SEC24B: variants seen among roughly 807,000 people sequenced by gnomAD.
SEC24B encodes protein transport protein Sec24B.
A neutral mutation model predicts 142.8 loss-of-function variants in SEC24B; 45 were observed. The ratio of observed to expected loss-of-function variants is 0.32; its 90% confidence interval spans 0.25 to 0.40. SEC24B has a LOEUF of 0.40. SEC24B is among the 10% of genes least tolerant of loss of function. SEC24B has a pLI of 1.00. For synonymous variants in SEC24B, 574 were observed against 568.2 expected, an observed-to-expected ratio of 1.01 and a Z score of -0.15; for missense variants, 1,409 against 1,526.8, an observed-to-expected ratio of 0.92 and a Z score of 1.29.
chr4:109,438,253 C>T (rs1018749871), intron 1 of SEC24B, among the ~76,000 whole-genome samples: 13 of 152,102 alleles, frequency 8.5e-5, no homozygotes, highest in Admixed American at 7.9e-4. Flanking sequence ...AAATGAAGTC[C>T]ATTTTATTTT....
rs377270592 is a variant in SEC24B, at chr4:109,516,638, C to T, written c.2124C>T (p.Asp708=). 1.1e-5 allele frequency: 17 copies of T among 1,537,964 alleles called. No individual in the cohort carries two copies. Among genetic ancestry groups the T allele is most frequent in the Non-Finnish European group, 1.5e-5 (17 of 1,113,490 alleles). ...GCCAGTCACTCCTAGAAAATCTAGA[C>T]AAGTAAGAATATTTTTAATTCATAC... is the stretch of plus-strand genomic sequence containing the variant. ...ILCQSLLENL[D]KLPGDSRTRI... is the part of the protein sequence containing the mutation. The change falls in exon 11 of 24, where the codon GAC becomes GAT. Residue 708 remains aspartate (D), a splice_region_variant and synonymous_variant. Transcript: ENST00000265175.
intron 12 of SEC24B, 42 bp downstream of exon 12, chr4:109,520,526 T>G (rs1465724220): frequency 8.8e-7 from 1 of 1,141,208 alleles, no homozygotes; most frequent in African/African-American, 1.5e-5. Flanking sequence ...ACTACGGACT[T>G]TGAAATGGGG....
chr4:109,526,550 C>T, intron 17 of SEC24B, 151 bp downstream of exon 17: 1 of 522,204 alleles, frequency 1.9e-6, no homozygotes. Flanking sequence ...TATTTTCTTT[C>T]TTTTTTTAAC....
intron 4 of SEC24B, among the ~76,000 whole-genome samples, chr4:109,485,898 T>G (rs544423666): frequency 6.6e-6 from 1 of 152,308 alleles, no homozygotes; most frequent in South Asian, 2.1e-4. Context: ...TGAAAAAAAT[T>G]TACTGAACAG....
At chr4:109,441,915 T>C (rs1482139538) in intron 1 of SEC24B, among the ~76,000 whole-genome samples, 2 of 152,176 alleles carry the variant, frequency 1.3e-5, no homozygotes, top group Non-Finnish European at 2.9e-5. Context: ...GTTTATGGAA[T>C]GTAGGAGAGA....
intron 6 of SEC24B, among the ~76,000 whole-genome samples, chr4:109,496,486 A>G (rs546094664): frequency 1.2e-4 from 18 of 152,216 alleles, no homozygotes; most frequent in African/African-American, 4.1e-4. Flanking sequence ...CCTTATAGAA[A>G]TTTTATGGTG....
At chr4:109,501,357 C>T (rs954824757) in intron 6 of SEC24B, among the ~76,000 whole-genome samples, 3 of 152,196 alleles carry the variant, frequency 2.0e-5, no homozygotes, top group Admixed American at 6.5e-5. Flanking sequence ...AATCACCTAA[C>T]GACACATTTC....
chr4:109,539,868 G>T lies in SEC24B; in HGVS notation c.*193G>T. The T allele has an allele frequency of 1.8e-6, 1 of 561,226 alleles. No individual in the cohort carries two copies. The highest frequency in any genetic ancestry group is 3.4e-5 in the Admixed American group (1 of 29,696). The allele number at this position is 561,226 out of a possible 1,614,324, so 34.8% of individuals were successfully genotyped here. ...AGATCTTTTTCAACTCAAATTAATGGTAACGATGATGCTGTTTCACCAAGT... is the reference window on the plus strand; with the variant it reads ...AGATCTTTTTCAACTCAAATTAATGTTAACGATGATGCTGTTTCACCAAGT... On this transcript the variant is annotated 3_prime_UTR_variant, in exon 24 of 24. Coordinates refer to ENST00000265175, the MANE Select transcript of SEC24B (RefSeq NM_006323.5).
intron 20 of SEC24B, 129 bp from the exon 21 acceptor site, chr4:109,532,510 T>A: frequency 1.5e-6 from 1 of 668,706 alleles, no homozygotes; most frequent in Non-Finnish European, 2.7e-6. Context: ...ATATAATCAG[T>A]ATTTTTTATA....
chr4:109,497,625 A>G (rs930626653), intron 6 of SEC24B, among the ~76,000 whole-genome samples: 6 of 150,836 alleles, frequency 4.0e-5, no homozygotes, highest in African/African-American at 1.2e-4. Context: ...GCTCAACATT[A>G]TGCTTATTGT....
chr4:109,438,153 G>A (rs1156583359), intron 1 of SEC24B, among the ~76,000 whole-genome samples: 1 of 152,096 alleles, frequency 6.6e-6, no homozygotes, highest in African/African-American at 2.4e-5. Flanking sequence ...GCTTTGTGAG[G>A]GTGGCAGTTT....
intron 11 of SEC24B, among the ~76,000 whole-genome samples, chr4:109,519,051 C>G (rs1723306291): frequency 6.6e-6 from 1 of 152,088 alleles, no homozygotes; most frequent in South Asian, 2.1e-4. Context: ...AAGCGATCCA[C>G]CCACCTCGGC....
rs766349796 is a variant in SEC24B at position 109,462,860 on chromosome 4, G to C, written c.134-41G>C. On this transcript the variant is annotated intron_variant, in intron 1 of 23. Coordinates refer to ENST00000265175, the MANE Select transcript of SEC24B (RefSeq NM_006323.5). ...AAATGGGGGCTATTTTTAAAAATTA[G>C]TTATCTCTTTACAAATACCTGTAAA... 2.2e-5 allele frequency: 31 copies of C among 1,440,170 alleles called. 1 individual carries two copies. The East Asian group carries it at 6.6e-4, about 31-fold the overall frequency. The allele number at this position is 1,440,170 out of a possible 1,614,324, so 89.2% of individuals were successfully genotyped here.
At chr4:109,444,472 A>ATTTTTTT (rs796951465) in intron 1 of SEC24B, among the ~76,000 whole-genome samples, 2 of 128,262 alleles carry the variant, frequency 1.6e-5, no homozygotes, top group Non-Finnish European at 3.3e-5. Flanking sequence ...AGATCCTGTG[A>ATTTTTTT]TTTTTTTTTT....
chr4:109,506,137 A>T lies in SEC24B; in HGVS notation c.1489-191A>T, dbSNP rs147882094. Among the ~76,000 whole-genome samples, 9 of 152,304 alleles carry T rather than the reference A, an allele frequency of 5.9e-5. No homozygotes were observed. In the East Asian group the frequency reaches 1.5e-3, roughly 26 times the overall value. ...TTCATTGCGAGGGTTAACCTTGCTA[A>T]TAAGATTCAAATTTATTCAGTACTT... On this transcript the variant is annotated intron_variant, in intron 6 of 23. Coordinates refer to ENST00000265175, the MANE Select transcript of SEC24B (RefSeq NM_006323.5).
intron 1 of SEC24B, among the ~76,000 whole-genome samples, chr4:109,450,477 G>A (rs994474087): frequency 1.3e-5 from 2 of 151,838 alleles, no homozygotes; most frequent in Non-Finnish European, 2.9e-5. Flanking sequence ...GGCCAGGATG[G>A]TGAAACCCCA....
At chr4:109,486,903 G>A (rs188445874) in intron 4 of SEC24B, among the ~76,000 whole-genome samples, 134 of 152,222 alleles carry the variant, frequency 8.8e-4, no homozygotes, top group East Asian at 1.4e-3. Flanking sequence ...GGTGGCTCAC[G>A]CCTGTAATCC....
In SEC24B at chr4:109,506,473, A is replaced by G; in HGVS notation, c.1634A>G (p.Asn545Ser). 2 of 1,592,826 alleles carry G rather than the reference A, an allele frequency of 1.3e-6. No individual in the cohort carries two copies. The highest frequency in any genetic ancestry group is 1.7e-6 in the Non-Finnish European group (2 of 1,170,540). ...PMTPVWAPVPNLNADLKKLNC... is the reference protein window; with the variant it reads ...PMTPVWAPVPSLNADLKKLNC... ...ACTCCTGTTTGGGCTCCTGTACCTA[A>G]CTTGAATGCAGACCTCAAAAAATTA... Residue 545 changes from asparagine (N) to serine (S), a missense_variant, in exon 7 of 24, where the codon AAC (asparagine) becomes AGC (serine). Around this residue, in one of 2 missense-constraint regions of SEC24B, gnomAD observed 709 missense variants for 673.5 expected, o/e 1.05. Transcript: ENST00000265175.
chr4:109,538,655 C>CT, intron 23 of SEC24B, 59 bp downstream of exon 23: 1 of 1,055,526 alleles, frequency 9.5e-7, no homozygotes, highest in Non-Finnish European at 1.5e-6. Flanking sequence ...TGTGGAATTG[C>CT]TTGTCTTCAA....
Sources: allele counts gnomAD v4.1 joint callset (sites outside exome capture counted in the v4.1 genomes callset), GRCh38; gene constraint gnomAD v4.1.1; regional missense constraint gnomAD v4.1.1; transcripts MANE v1.5; gene names NCBI Gene and HGNC (gene_info 2026-07-23, HGNC 2026-07-21).